Variants in FOCAD observed in about 807,000 individuals in gnomAD.
The protein encoded by FOCAD is focadhesin, also known as KIAA1797.
Under a neutral mutation model 225.6 loss-of-function variants are expected in FOCAD, and 198 were observed. The observed-to-expected ratio is 0.88, with a 90% CI of 0.78 to 0.99. The LOEUF (loss-of-function observed/expected upper bound fraction) is 0.99. Ranked by LOEUF, FOCAD falls within the 50% of genes least tolerant of loss-of-function variation. The pLI is 0.00. For synonymous variants in FOCAD, 897 were observed against 755.0 expected (o/e 1.19, Z -3.08); for missense variants, 2,713 against 2,123.6 (o/e 1.28, Z -5.46).
chr9:20,762,659 A>G (rs1405432623), intron 6 of FOCAD, among the ~76,000 whole-genome samples: 1 of 152,168 alleles, frequency 6.6e-6, no homozygotes, highest in Non-Finnish European at 1.5e-5. Context: ...TATTTATTTT[A>G]TTATAATTAA....
intron 35 of FOCAD, among the ~76,000 whole-genome samples, chr9:20,966,307 A>T (rs1331529801): frequency 6.6e-6 from 1 of 151,816 alleles, no homozygotes; most frequent in Admixed American, 6.6e-5. Flanking sequence ...CTTTTCATGT[A>T]CTTATTAGCC....
At chr9:20,871,130 G>T (rs1162842109) in intron 18 of FOCAD, among the ~76,000 whole-genome samples, 1 of 152,006 alleles carries the variant, frequency 6.6e-6, no homozygotes, top group Non-Finnish European at 1.5e-5. Context: ...CTTGAACCCT[G>T]GAGGTGGAGG....
intron 17 of FOCAD, 133 bp from the exon 18 acceptor site, chr9:20,866,796 A>C (rs1829301787): frequency 1.8e-6 from 1 of 564,114 alleles, no homozygotes; most frequent in East Asian, 3.1e-5. Context: ...TTTTCAAAGC[A>C]CTGACTGTAG....
At chr9:20,798,885 G>C (rs113165694) in intron 11 of FOCAD, among the ~76,000 whole-genome samples, 1,560 of 151,972 alleles carry the variant, frequency 0.01, 28 homozygotes, top group African/African-American at 0.035. Context: ...TCTTGCCTTT[G>C]CTAGCTTTTG....
At chr9:20,842,712 T>C (rs13284328) in intron 15 of FOCAD, among the ~76,000 whole-genome samples, 36,325 of 151,862 alleles carry the variant, frequency 0.24, 4,555 homozygotes, top group South Asian at 0.32. Context: ...AGGCCACTTA[T>C]ATTCAATGTG....
intron 2 of FOCAD, among the ~76,000 whole-genome samples, chr9:20,667,484 G>A (rs531302368): frequency 3.5e-4 from 53 of 152,334 alleles, no homozygotes; most frequent in African/African-American, 1.3e-3. Flanking sequence ...ATAAATGGCA[G>A]ATCTCCTTTG....
rs765989756 is a variant in FOCAD, at chr9:20,946,770, G to A, written c.3625G>A (p.Ala1209Thr). The change falls in exon 30 of 44, where the codon GCT becomes ACT. Residue 1209 changes from alanine (A) to threonine (T), a missense_variant. By Grantham distance (58) the Ala-to-Thr change is moderately conservative. Coordinates refer to ENST00000338382, the MANE Select transcript of FOCAD (RefSeq NM_001375567.1). ...TGCTGGAATTATTGAGGCTACAGAGGCTGAGGATGTTATGAACAAGCTTCG... is the reference window on the plus strand; with the variant it reads ...TGCTGGAATTATTGAGGCTACAGAGACTGAGGATGTTATGAACAAGCTTCG... ...FSAGIIEATE[A>T]EDVMNKLRLL... 3 of 1,613,874 alleles carry A rather than the reference G, an allele frequency of 1.9e-6. No individual in the cohort carries two copies. In the South Asian group the frequency reaches 3.3e-5, roughly 18 times the overall value.
chr9:20,729,577 C>T lies in FOCAD; in HGVS notation c.287+9043C>T, dbSNP rs969497519. On this transcript the variant is annotated intron_variant, in intron 4 of 43. Transcript: ENST00000338382. Reference sequence around the variant, plus strand: ...GGGGGACACAATTTAACTTTCTGCTCACTGTGTCTTGATTGTGTGAGCATA... The same window carrying T: ...GGGGGACACAATTTAACTTTCTGCTTACTGTGTCTTGATTGTGTGAGCATA... Among the ~76,000 whole-genome samples the T allele has an allele frequency of 6.6e-5, 10 of 152,144 alleles. No individual in the cohort carries two copies. The South Asian group carries it at 2.1e-3, about 32-fold the overall frequency.
intron 15 of FOCAD, among the ~76,000 whole-genome samples, chr9:20,841,831 G>T (rs1826561076): frequency 6.6e-6 from 1 of 151,384 alleles, no homozygotes; most frequent in Non-Finnish European, 1.5e-5. Flanking sequence ...GTTCTTTGAT[G>T]TGTGTCATTA....
intron 5 of FOCAD, among the ~76,000 whole-genome samples, chr9:20,751,901 A>T (rs1469826407): frequency 1.4e-5 from 2 of 144,400 alleles, no homozygotes; most frequent in African/African-American, 5.1e-5. Flanking sequence ...CATTTCTCTA[A>T]GGGCCAGTGA....
At chr9:20,949,277 TG>T (rs565400452) in intron 32 of FOCAD, among the ~76,000 whole-genome samples, 165 of 152,278 alleles carry the variant, frequency 1.1e-3, no homozygotes, top group African/African-American at 3.8e-3. Context: ...TATGTCTATG[TG>T]GTTGTTCTTT....
chr9:20,793,831 G>C (rs1820788625), intron 11 of FOCAD, among the ~76,000 whole-genome samples: 3 of 152,146 alleles, frequency 2.0e-5, no homozygotes, highest in African/African-American at 7.2e-5. Flanking sequence ...ATAATAGGTA[G>C]GAGGAATTTT....
At chr9:20,737,700 AC>A (rs34296020) in intron 4 of FOCAD, among the ~76,000 whole-genome samples, 4 of 152,196 alleles carry the variant, frequency 2.6e-5, no homozygotes, top group Admixed American at 6.5e-5. Context: ...AGAATGGCTC[AC>A]CCAATTAGTG....
intron 5 of FOCAD, among the ~76,000 whole-genome samples, chr9:20,754,124 C>T (rs1020408766): frequency 6.6e-6 from 1 of 152,020 alleles, no homozygotes; most frequent in Non-Finnish European, 1.5e-5. Flanking sequence ...CTTGACCTTT[C>T]TCAGTTGGAT....
In FOCAD at chr9:20,950,179, C is replaced by A. The variant is rs534099354; in HGVS notation, c.3948+504C>A. ...GTTTGTTGCATAAAATTTGAAAGCA[C>A]GTAATGAAAGAAGCTGAAAAAAATA... On this transcript the variant is annotated intron_variant, in intron 33 of 43. Transcript: ENST00000338382. Among the ~76,000 whole-genome samples, 3 of 151,780 alleles carry A rather than the reference C, an allele frequency of 2.0e-5. No homozygotes were observed. In the East Asian group the frequency reaches 5.8e-4, roughly 29 times the overall value.
At chr9:20,770,755 T>G (rs1277208299) in intron 8 of FOCAD, among the ~76,000 whole-genome samples, 1 of 152,216 alleles carries the variant, frequency 6.6e-6, no homozygotes, top group Non-Finnish European at 1.5e-5. Context: ...TTAGAGGCAT[T>G]TTGATCTAAT....
At chr9:20,690,206 C>T (rs558001917) in intron 1 of FOCAD, among the ~76,000 whole-genome samples, 5 of 152,274 alleles carry the variant, frequency 3.3e-5, no homozygotes, top group African/African-American at 4.8e-5. Flanking sequence ...CTAAGGACAG[C>T]GCCTCACTTA....
At chr9:20,788,782 C>A (rs777206730) in intron 10 of FOCAD, among the ~76,000 whole-genome samples, 1 of 152,194 alleles carries the variant, frequency 6.6e-6, no homozygotes, top group Non-Finnish European at 1.5e-5. Context: ...ATAATATAAT[C>A]TCTGGGTATT....
At chr9:20,943,795 C>A (rs535858376) in intron 28 of FOCAD, among the ~76,000 whole-genome samples, 1 of 152,232 alleles carries the variant, frequency 6.6e-6, no homozygotes, top group East Asian at 1.9e-4. Context: ...TGCATTTTCT[C>A]CATTTAAAAA....
Sources: allele counts gnomAD v4.1 joint callset (sites outside exome capture counted in the v4.1 genomes callset), GRCh38; gene constraint gnomAD v4.1.1; transcripts MANE v1.5; gene names NCBI Gene and HGNC (gene_info 2026-07-23, HGNC 2026-07-21).